OSBPL9: variants seen among roughly 807,000 people sequenced by gnomAD.
The protein encoded by OSBPL9 is oxysterol-binding protein-related protein 9.
In OSBPL9, 40 loss-of-function variants were observed where a neutral mutation model predicts 106.6. That is an observed-to-expected ratio of 0.38 (90% CI 0.29 to 0.49). The LOEUF is 0.49. OSBPL9 is among the 20% of genes least tolerant of loss of function. OSBPL9 has a pLI of 0.97. For missense variants in OSBPL9, 609 were observed against 887.2 expected, an observed-to-expected ratio of 0.69 and a Z score of 3.98; for synonymous variants, 269 against 295.4, an observed-to-expected ratio of 0.91 and a Z score of 0.92.
chr1:51,597,366 T>C (rs1645304716), intron 1 of OSBPL9, among the ~76,000 whole-genome samples: 1 of 151,578 alleles, frequency 6.6e-6, no homozygotes, highest in South Asian at 2.1e-4. Flanking sequence ...ACAGTTAAAA[T>C]ATATTAACCT....
intron 3 of OSBPL9, among the ~76,000 whole-genome samples, chr1:51,712,382 G>C (rs1660248495): frequency 6.6e-6 from 1 of 151,994 alleles, no homozygotes; most frequent in South Asian, 2.1e-4. Flanking sequence ...CACATGAGAG[G>C]GAGACCGTGG....
chr1:51,719,207 C>G (rs932273007), intron 4 of OSBPL9, among the ~76,000 whole-genome samples: 3 of 152,178 alleles, frequency 2.0e-5, no homozygotes, highest in Admixed American at 2.0e-4. Context: ...CAGAAGATAA[C>G]TAAGATCTTC....
the OSBPL9 span, chr1:51,561,585 T>C: frequency 6.6e-6 from 1 of 152,058 alleles, no homozygotes; most frequent in South Asian, 2.1e-4. Context: ...CTGGTGTACT[T>C]AACAATAGAG....
At chr1:51,660,634 T>C (rs1231077622) in intron 2 of OSBPL9, among the ~76,000 whole-genome samples, 1 of 152,192 alleles carries the variant, frequency 6.6e-6, no homozygotes, top group Non-Finnish European at 1.5e-5. Flanking sequence ...TCTAGGCCAG[T>C]GCCTAGAAAT....
chr1:51,521,175 A>G, the OSBPL9 span, among the ~76,000 whole-genome samples: 927 of 152,334 alleles, frequency 6.1e-3, 9 homozygotes, highest in African/African-American at 0.02. Flanking sequence ...AGACATTAGG[A>G]ATATCCAGGT....
the OSBPL9 span, among the ~76,000 whole-genome samples, chr1:51,551,202 C>T: frequency 1.3e-4 from 20 of 152,198 alleles, no homozygotes; most frequent in African/African-American, 4.6e-4. Context: ...CTCCTCCTAA[C>T]ATTTGCCTCC....
intron 1 of OSBPL9, among the ~76,000 whole-genome samples, chr1:51,584,202 A>G (rs1016315599): frequency 1.3e-5 from 2 of 152,116 alleles, no homozygotes; most frequent in African/African-American, 4.8e-5. Context: ...CTGGGATTCC[A>G]AAACGTCATG....
intron 4 of OSBPL9, among the ~76,000 whole-genome samples, chr1:51,742,542 CAACA>C (rs1667149836): frequency 6.7e-6 from 1 of 150,246 alleles, no homozygotes; most frequent in Non-Finnish European, 1.5e-5. Context: ...CAGGGTCTTG[CAACA>C]TAGCAAGACC....
At chr1:51,627,350 T>C (rs539563200) in intron 1 of OSBPL9, among the ~76,000 whole-genome samples, 16 of 152,312 alleles carry the variant, frequency 1.1e-4, no homozygotes, top group African/African-American at 3.4e-4. Context: ...TTTATTCTTT[T>C]GCATGTGGAT....
In OSBPL9 at chr1:51,714,114, T is replaced by C. The variant is rs72898070; in HGVS notation, c.318+35T>C. 1,980 of 1,477,908 alleles carry C rather than the reference T, an allele frequency of 1.3e-3. 25 individuals are homozygous for C. In the African/African-American group the frequency reaches 0.025, roughly 19 times the overall value. 91.5% of individuals were successfully genotyped at this position (1,477,908 alleles called of 1,614,324 possible). The stretch of plus-strand genomic sequence containing the variant: ...TTTACATGGTTTCCAGATAGTTCAT[T>C]AGTTGTTGCTTTCTTTTTTTGTCTG... On this transcript the variant is annotated intron_variant, in intron 4 of 23. Transcript: ENST00000428468.
chr1:51,621,159 CTATTGA>C lies in OSBPL9; in HGVS notation c.111+3939_111+3944del, dbSNP rs1213298795. ...GTACTCCCATTAACTCCTTCCTCCTCTATTGAATTATTTTTAGAGCAGATCCCAGAT... is the reference window on the plus strand; with the variant it reads ...GTACTCCCATTAACTCCTTCCTCCTCATTATTTTTAGAGCAGATCCCAGAT... On this transcript the variant is annotated intron_variant, in intron 1 of 23. Coordinates refer to ENST00000428468, the MANE Select transcript of OSBPL9 (RefSeq NM_024586.6). Among the ~76,000 whole-genome samples the C allele has an allele frequency of 1.2e-4, 18 of 152,328 alleles. No homozygotes were observed. The South Asian group carries it at 2.7e-3, about 23-fold the overall frequency.
At chr1:51,746,472 T>G (rs1668000518) in intron 5 of OSBPL9, among the ~76,000 whole-genome samples, 1 of 152,268 alleles carries the variant, frequency 6.6e-6, no homozygotes, top group Admixed American at 6.5e-5. Flanking sequence ...TCATCTGTTT[T>G]CTTTTGCTTA....
At chr1:51,711,595 A>T (rs1659956779) in intron 3 of OSBPL9, among the ~76,000 whole-genome samples, 2 of 132,438 alleles carry the variant, frequency 1.5e-5, no homozygotes, top group Non-Finnish European at 3.2e-5. Context: ...TGCCGGGCGG[A>T]GAGGCTCCTC....
At chr1:51,749,018 G>C (rs1355953776) in intron 7 of OSBPL9, among the ~76,000 whole-genome samples, 1 of 152,006 alleles carries the variant, frequency 6.6e-6, no homozygotes, top group Non-Finnish European at 1.5e-5. Flanking sequence ...TGGGGAGGCA[G>C]AAGTTGCAGT....
chr1:51,604,918 C>T (rs1643931909), intron 2 of OSBPL9, among the ~76,000 whole-genome samples: 1 of 152,128 alleles, frequency 6.6e-6, no homozygotes, highest in South Asian at 2.1e-4. Context: ...TCCCAAAGTG[C>T]TGGGATTACA....
chr1:51,755,590 C>G (rs551596327), intron 8 of OSBPL9, among the ~76,000 whole-genome samples: 1 of 152,174 alleles, frequency 6.6e-6, no homozygotes, highest in East Asian at 1.9e-4. Flanking sequence ...GCTGCCAGTT[C>G]GCCACGCGAT....
chr1:51,631,966 A>G (rs1183723859), intron 1 of OSBPL9, among the ~76,000 whole-genome samples: 1 of 152,178 alleles, frequency 6.6e-6, no homozygotes, highest in Admixed American at 6.5e-5. Flanking sequence ...TTCCACCTGT[A>G]CATCTTGTCC....
chr1:51,622,354 G>C (rs1212388976), intron 1 of OSBPL9, among the ~76,000 whole-genome samples: 1 of 152,116 alleles, frequency 6.6e-6, no homozygotes, highest in Non-Finnish European at 1.5e-5. Context: ...AGAGTTGAGA[G>C]AGTGAGTAGA....
intron 4 of OSBPL9, among the ~76,000 whole-genome samples, chr1:51,719,753 A>C (rs192280383): frequency 1.3e-5 from 2 of 152,254 alleles, no homozygotes; most frequent in Admixed American, 1.3e-4. Context: ...GCCAGGTGTA[A>C]ATTTTTTAGG....
Sources: gnomAD v4.1 joint callset for allele counts (sites outside exome capture counted in the v4.1 genomes callset) on GRCh38, gnomAD v4.1.1 for gene constraint, MANE v1.5 for transcripts, NCBI Gene and HGNC (gene_info 2026-07-23, HGNC 2026-07-21) for gene names.